The following KALRN variants were observed in gnomAD, a reference collection of about 807,000 sequenced individuals.
KALRN encodes the protein kalirin.
A neutral mutation model predicts 353.7 loss-of-function variants in KALRN; 70 were observed. The ratio of observed to expected loss-of-function variants is 0.20; its 90% CI spans 0.16 to 0.24. The LOEUF (loss-of-function observed/expected upper bound fraction) is 0.24. Among genes scored for constraint, KALRN ranks in the 10% least tolerant of loss-of-function variants. The pLI is 1.00. For missense variants in KALRN, 2,791 were observed against 3,756.7 expected (o/e 0.74, Z 6.72); for synonymous variants, 1,391 against 1,434.8 (o/e 0.97, Z 0.69).
chr3:124,181,110 G>A (rs1175347788), intron 1 of KALRN, among the ~76,000 whole-genome samples: 7 of 136,966 alleles, frequency 5.1e-5, no homozygotes, highest in East Asian at 2.3e-4. Flanking sequence ...AATTAGCCAG[G>A]CGTGATGGTG....
intron 1 of KALRN, among the ~76,000 whole-genome samples, chr3:124,066,414 C>G (rs1376049526): frequency 6.6e-6 from 1 of 152,098 alleles, no homozygotes; most frequent in Non-Finnish European, 1.5e-5. Flanking sequence ...TTAGATGTAC[C>G]AGTCAGGGCT....
chr3:124,218,213 C>A (rs1282277938), intron 1 of KALRN, among the ~76,000 whole-genome samples: 1 of 152,092 alleles, frequency 6.6e-6, no homozygotes, highest in Non-Finnish European at 1.5e-5. Flanking sequence ...TCACAGAGCC[C>A]CAAACTGACT....
intron 1 of KALRN, among the ~76,000 whole-genome samples, chr3:124,034,860 T>C (rs191595309): frequency 6.6e-6 from 1 of 152,128 alleles, no homozygotes; most frequent in Admixed American, 6.5e-5. Context: ...TTCTGGAAAG[T>C]TGGATTAGAG....
At chr3:124,572,398 A>G (rs12695439) in intron 34 of KALRN, among the ~76,000 whole-genome samples, 46,450 of 151,636 alleles carry the variant, frequency 0.31, 7,305 homozygotes, top group East Asian at 0.38. Flanking sequence ...AAATGGCCCA[A>G]CCTAATGTAT....
At chr3:124,596,963 C>T (rs333254) in intron 34 of KALRN, among the ~76,000 whole-genome samples, 7,308 of 151,954 alleles carry the variant, frequency 0.048, 589 homozygotes, top group African/African-American at 0.17. Context: ...GCGTGAGAAT[C>T]CTTGAACCCG....
intron 18 of KALRN, among the ~76,000 whole-genome samples, chr3:124,440,610 T>C (rs143572573): frequency 6.6e-6 from 1 of 150,808 alleles, no homozygotes. Context: ...TAATTGTTTC[T>C]ATTAATTATA....
At chr3:124,296,161 T>A (rs2076828816) in intron 5 of KALRN, among the ~76,000 whole-genome samples, 1 of 152,230 alleles carries the variant, frequency 6.6e-6, no homozygotes, top group African/African-American at 2.4e-5. Flanking sequence ...GTTACAGCCC[T>A]GATGTCTCTC....
chr3:124,088,016 A>T (rs1356300035), intron 1 of KALRN, among the ~76,000 whole-genome samples: 1 of 152,178 alleles, frequency 6.6e-6, no homozygotes, highest in African/African-American at 2.4e-5. Flanking sequence ...AATTTTAAAA[A>T]TATGTATATA....
chr3:124,476,394 G>T (rs1367634723), intron 26 of KALRN, among the ~76,000 whole-genome samples: 1 of 151,610 alleles, frequency 6.6e-6, no homozygotes, highest in Non-Finnish European at 1.5e-5. Context: ...CTGTATAGAG[G>T]TCTCATGAGG....
intron 13 of KALRN, chr3:124,410,310 G>T: frequency 1.9e-6 from 1 of 528,846 alleles, no homozygotes; most frequent in South Asian, 1.4e-5. Flanking sequence ...GAAACAAACA[G>T]AACCTAAAAT....
chr3:124,035,405 A>G (rs140786220), intron 1 of KALRN, among the ~76,000 whole-genome samples: 4 of 152,288 alleles, frequency 2.6e-5, no homozygotes, highest in African/African-American at 9.6e-5. Context: ...TGACCAGTCA[A>G]TCAAAAACCC....
intron 55 of KALRN, among the ~76,000 whole-genome samples, chr3:124,699,291 C>A (rs577607875): frequency 7.9e-4 from 120 of 152,248 alleles, no homozygotes; most frequent in South Asian, 2.5e-3. Context: ...TTCTCTTGGG[C>A]AAATTGTTCA....
intron 34 of KALRN, among the ~76,000 whole-genome samples, chr3:124,624,107 G>C (rs663202): frequency 0.29 from 44,155 of 152,068 alleles, 7,789 homozygotes; most frequent in East Asian, 0.59. Flanking sequence ...GTGATGAAAT[G>C]TCACACCATC....
chr3:124,450,926 T>C (rs1323923186), intron 21 of KALRN, among the ~76,000 whole-genome samples: 1 of 152,088 alleles, frequency 6.6e-6, no homozygotes, highest in Non-Finnish European at 1.5e-5. Flanking sequence ...ATTTTGGTTC[T>C]TTTATGTATA....
intron 33 of KALRN, among the ~76,000 whole-genome samples, chr3:124,497,848 C>T (rs1028010152): frequency 6.6e-6 from 1 of 152,128 alleles, no homozygotes; most frequent in African/African-American, 2.4e-5. Flanking sequence ...TCATCCCTTC[C>T]AGCTGCTAAT....
chr3:124,384,893 G>T lies in KALRN; in HGVS notation c.1819G>T (p.Ala607Ser), dbSNP rs371608281. The change falls in exon 11 of 60, where the codon GCT (alanine) becomes TCT (serine). Residue 607 changes from alanine to serine, a missense_variant. By Grantham distance (99) the Ala-to-Ser change is moderately conservative (BLOSUM62 1). Transcript: ENST00000682506. Reference sequence around the variant, plus strand: ...GCTCCTAGAAGCAGCAGAGCAGTTGGCTCAGACGGGGGAATGTGACCCCGA... The same window carrying T: ...GCTCCTAGAAGCAGCAGAGCAGTTGTCTCAGACGGGGGAATGTGACCCCGA... ...DKLLEAAEQL[A>S]QTGECDPEEI... 40 of 1,613,052 alleles carry T rather than the reference G, an allele frequency of 2.5e-5. No individual in the cohort carries two copies. The highest frequency in any genetic ancestry group is 2.8e-5 in the Non-Finnish European group (33 of 1,179,492).
chr3:124,363,068 C>T (rs1309998543), intron 10 of KALRN, among the ~76,000 whole-genome samples: 1 of 152,070 alleles, frequency 6.6e-6, no homozygotes, highest in Admixed American at 6.5e-5. Flanking sequence ...ATCAAAATAT[C>T]ACATTACTCT....
chr3:124,088,814 C>T (rs1369087895), intron 1 of KALRN, among the ~76,000 whole-genome samples: 3 of 151,936 alleles, frequency 2.0e-5, no homozygotes, highest in Non-Finnish European at 4.4e-5. Flanking sequence ...GAACCATAAG[C>T]AGCATTCATT....
At chr3:124,459,995 G>A (rs1035842209) in intron 23 of KALRN, among the ~76,000 whole-genome samples, 1 of 152,172 alleles carries the variant, frequency 6.6e-6, no homozygotes, top group African/African-American at 2.4e-5. Context: ...GTGTCAGCAG[G>A]GTTGATTCCT....
Sources: allele counts gnomAD v4.1 joint callset (sites outside exome capture counted in the v4.1 genomes callset), GRCh38; gene constraint gnomAD v4.1.1; transcripts MANE v1.5; gene names NCBI Gene and HGNC (gene_info 2026-07-23, HGNC 2026-07-21).